Variants in NCOA1 observed in about 807,000 individuals in gnomAD.
The protein encoded by NCOA1 is nuclear receptor coactivator 1, also known as Hin-2 protein.
A neutral mutation model predicts 150.9 loss-of-function variants in NCOA1; 35 were observed. The ratio of observed to expected loss-of-function variants is 0.23; its 90% CI spans 0.18 to 0.31. NCOA1 has a LOEUF of 0.31. NCOA1 is among the 10% of genes least tolerant of loss of function. The pLI is 1.00. For synonymous variants in NCOA1, 590 were observed against 630.0 expected (o/e 0.94, Z 0.95); for missense variants, 1,491 against 1,749.3 (o/e 0.85, Z 2.63).
intron 13 of NCOA1, among the ~76,000 whole-genome samples, chr2:24,709,873 G>T (rs1191185968): frequency 1.3e-5 from 2 of 152,152 alleles, no homozygotes; most frequent in Non-Finnish European, 2.9e-5. Context: ...GCTGCTAAAT[G>T]TAACAGTGCC....
At chr2:24,649,286 T>C (rs1399291924) in intron 4 of NCOA1, among the ~76,000 whole-genome samples, 1 of 152,178 alleles carries the variant, frequency 6.6e-6, no homozygotes, top group Non-Finnish European at 1.5e-5. Flanking sequence ...AAAATGATCA[T>C]TTACTTTTTT....
At chr2:24,707,971 T>C (rs1161608302) in intron 13 of NCOA1, 83 bp downstream of exon 13, 7 of 1,446,432 alleles carry the variant, frequency 4.8e-6, no homozygotes, top group East Asian at 2.4e-5. Flanking sequence ...AGACCAGATA[T>C]GAATTCATAC....
intron 14 of NCOA1, among the ~76,000 whole-genome samples, chr2:24,720,269 C>A (rs904586286): frequency 6.6e-6 from 1 of 152,160 alleles, no homozygotes; most frequent in African/African-American, 2.4e-5. Context: ...AGGGGTGAGG[C>A]AAGAAACTGC....
intron 17 of NCOA1, 128 bp from the exon 18 acceptor site, chr2:24,739,304 G>A: frequency 1.5e-6 from 1 of 652,536 alleles, no homozygotes; most frequent in Admixed American, 2.8e-5. Flanking sequence ...AATAAACATA[G>A]GAAATAATCT....
intron 8 of NCOA1, among the ~76,000 whole-genome samples, chr2:24,690,982 C>CT (rs1433487239): frequency 2.0e-5 from 3 of 152,054 alleles, no homozygotes; most frequent in Non-Finnish European, 2.9e-5. Context: ...ATTCTTAATA[C>CT]TTTTTTTGAG....
rs1343134446 is a variant in NCOA1, at chr2:24,707,575, T to C, written c.2105T>C (p.Ile702Thr). 1.2e-6 allele frequency: 2 copies of C among 1,614,162 alleles called. No homozygotes were observed. The highest frequency in any genetic ancestry group is 1.7e-6 in the Non-Finnish European group (2 of 1,180,026). ...TTACAGGAGGGTAGCCCCTCAGATA[T>C]CACCACTTTGTCTGTCGAGCCTGAT... The part of the protein sequence containing the change: ...RLLQEGSPSD[I>T]TTLSVEPDKK... The change falls in exon 13 of 23, where the codon ATC becomes ACC. Residue 702 changes from isoleucine (I) to threonine (T), a missense_variant. By Grantham distance (89) the Ile-to-Thr change is moderately conservative (BLOSUM62 -1). Coordinates refer to ENST00000348332, the MANE Select transcript of NCOA1 (RefSeq NM_003743.5).
chr2:24,493,433 T>C (rs1316547572), intron 1 of NCOA1, among the ~76,000 whole-genome samples: 1 of 152,202 alleles, frequency 6.6e-6, no homozygotes, highest in Non-Finnish European at 1.5e-5. Flanking sequence ...TACTGGTTAT[T>C]TAACAACATT....
At chr2:24,661,116 A>G (rs1311136279) in intron 5 of NCOA1, among the ~76,000 whole-genome samples, 1 of 152,128 alleles carries the variant, frequency 6.6e-6, no homozygotes. Context: ...TTCACTAGGT[A>G]AGTACCACAT....
intron 1 of NCOA1, among the ~76,000 whole-genome samples, chr2:24,508,254 C>T (rs193279282): frequency 1.3e-3 from 196 of 151,904 alleles, no homozygotes; most frequent in African/African-American, 4.3e-3. Context: ...AGCCATCTCT[C>T]GTGGATTTGG....
intron 17 of NCOA1, among the ~76,000 whole-genome samples, chr2:24,735,344 C>T (rs28744588): frequency 0.15 from 23,339 of 152,060 alleles, 2,171 homozygotes; most frequent in Non-Finnish European, 0.21. Flanking sequence ...CCCATCTGTT[C>T]GCTTATTGGT....
chr2:24,516,186 C>CTTTTTTTTTTT (rs755818385), intron 1 of NCOA1, among the ~76,000 whole-genome samples: 1 of 92,986 alleles, frequency 1.1e-5, no homozygotes, highest in Non-Finnish European at 2.0e-5. Flanking sequence ...TAGGTTTTGC[C>CTTTTTTTTTTT]TTTTTTTTTT....
At chr2:24,723,108 A>G (rs1674438626) in intron 14 of NCOA1, among the ~76,000 whole-genome samples, 1 of 152,062 alleles carries the variant, frequency 6.6e-6, no homozygotes, top group African/African-American at 2.4e-5. Flanking sequence ...TTTTTAAAAT[A>G]TATAGTGAAA....
intron 8 of NCOA1, among the ~76,000 whole-genome samples, chr2:24,684,958 A>G (rs1414812480): frequency 6.6e-6 from 1 of 152,148 alleles, no homozygotes; most frequent in African/African-American, 2.4e-5. Context: ...AGAATAATCA[A>G]AGTATTAGAA....
At chr2:24,521,182 GAT>G (rs920152468) in intron 1 of NCOA1, among the ~76,000 whole-genome samples, 1 of 151,978 alleles carries the variant, frequency 6.6e-6, no homozygotes, top group Non-Finnish European at 1.5e-5. Context: ...ATGGTATTTT[GAT>G]ATATATATGT....
chr2:24,531,390 A>G (rs1026502699), intron 1 of NCOA1, among the ~76,000 whole-genome samples: 1 of 152,104 alleles, frequency 6.6e-6, no homozygotes, highest in Non-Finnish European at 1.5e-5. Flanking sequence ...AATACTACTC[A>G]GCCATAAAAA....
intron 17 of NCOA1, among the ~76,000 whole-genome samples, chr2:24,732,164 T>C (rs1455357796): frequency 6.6e-6 from 1 of 152,216 alleles, no homozygotes; most frequent in Non-Finnish European, 1.5e-5. Context: ...GGCTTCCATT[T>C]GCTCCTAAAA....
intron 2 of NCOA1, among the ~76,000 whole-genome samples, chr2:24,576,474 A>G (rs1194380214): frequency 3.3e-5 from 5 of 152,102 alleles, no homozygotes; most frequent in African/African-American, 1.2e-4. Context: ...GGTCAGGCAA[A>G]TGTAGGACTC....
At chr2:24,631,726 A>G (rs773590079) in intron 3 of NCOA1, among the ~76,000 whole-genome samples, 11 of 152,176 alleles carry the variant, frequency 7.2e-5, no homozygotes, top group South Asian at 6.2e-4. Context: ...GTCACAATCA[A>G]TGGTGTCAGC....
In NCOA1 at chr2:24,768,558, G is replaced by A. The variant is rs991531030; in HGVS notation, c.*167G>A. 1.9e-5 allele frequency: 10 copies of A among 522,404 alleles called. No homozygotes were observed. The highest frequency in any genetic ancestry group is 4.2e-5 in the Admixed American group (1 of 23,956). The allele number at this position is 522,404 out of a possible 1,614,324, so 32.4% of individuals were successfully genotyped here. ...AAAAAAAAAGGAGTTTGCTTTTGTCGGGAGATTGAAAGATGTTTTTGTTTC... is the reference window on the plus strand; with the variant it reads ...AAAAAAAAAGGAGTTTGCTTTTGTCAGGAGATTGAAAGATGTTTTTGTTTC... On this transcript the variant is annotated 3_prime_UTR_variant, in exon 23 of 23. Coordinates refer to ENST00000348332, the MANE Select transcript of NCOA1 (RefSeq NM_003743.5).
Sources: gnomAD v4.1 joint callset for allele counts (sites outside exome capture counted in the v4.1 genomes callset) on GRCh38, gnomAD v4.1.1 for gene constraint, MANE v1.5 for transcripts, NCBI Gene and HGNC (gene_info 2026-07-23, HGNC 2026-07-21) for gene names.